Variants in CACTIN observed in about 807,000 individuals in gnomAD.
The protein encoded by CACTIN is cactin, spliceosome C complex subunit.
Under a neutral mutation model 84.9 loss-of-function variants are expected in CACTIN, and 20 were observed. The observed-to-expected ratio is 0.24, with a 90% CI of 0.17 to 0.34. The LOEUF (loss-of-function observed/expected upper bound fraction) is 0.34. Ranked by LOEUF, CACTIN falls within the 10% of genes least tolerant of loss-of-function variation. CACTIN has a pLI of 1.00. For missense variants in CACTIN, 897 were observed against 1,117.2 expected (o/e 0.80, Z 2.81); for synonymous variants, 549 against 467.9 (o/e 1.17, Z -2.24).
chr19:3,619,030 G>A (rs2033166616), intron 5 of CACTIN, 41 bp from the exon 6 acceptor site: 1 of 1,549,590 alleles, frequency 6.5e-7, no homozygotes, highest in African/African-American at 1.4e-5. Flanking sequence ...GGTGTGGCTG[G>A]GGTGGGGGTG....
chr19:3,616,094 G>C (rs2033100589), intron 6 of CACTIN: 1 of 152,254 alleles, frequency 6.6e-6, no homozygotes. Flanking sequence ...CCCACAAGGG[G>C]GCCCGGGGGT....
chr19:3,616,699 TAAAA>T (rs1224063388), intron 6 of CACTIN: 1 of 152,124 alleles, frequency 6.6e-6, no homozygotes, highest in Non-Finnish European at 1.5e-5. Flanking sequence ...TTGTAAAAAT[TAAAA>T]AGAAAAAGCA....
At position 3,611,413 on chromosome 19, in the gene CACTIN, C is replaced by G; in HGVS notation, c.*510G>C. The stretch of plus-strand genomic sequence containing the variant: ...GGGCAGGGCTGGAGCTGCCCCACAG[C>G]CGCGGGCTCTGCCTCACGCCCAGTG... On this transcript the variant is annotated 3_prime_UTR_variant, in exon 10 of 10. Coordinates refer to ENST00000429344, the MANE Select transcript of CACTIN (RefSeq NM_001080543.2). 1 of 422,130 alleles carries G rather than the reference C, an allele frequency of 2.4e-6. No individual in the cohort carries two copies. The highest frequency in any genetic ancestry group is 4.6e-6 in the Non-Finnish European group (1 of 217,436). 26.1% of individuals were successfully genotyped at this position (422,130 alleles called of 1,614,324 possible).
chr19:3,617,016 G>A (rs1054965793), intron 6 of CACTIN, among the ~76,000 whole-genome samples: 4 of 152,202 alleles, frequency 2.6e-5, no homozygotes, highest in African/African-American at 9.7e-5. Context: ...AGCTACTTGG[G>A]CAGCTGAGGC....
intron 6 of CACTIN, chr19:3,616,722 C>T (rs2033113985): frequency 2.0e-5 from 3 of 152,300 alleles, no homozygotes; most frequent in Non-Finnish European, 2.9e-5. Flanking sequence ...CATGCAGTCA[C>T]TCATGCCTTT....
intron 2 of CACTIN, chr19:3,621,130 C>A (rs916406671): frequency 1.6e-5 from 7 of 446,452 alleles, no homozygotes; most frequent in Non-Finnish European, 2.9e-5. Flanking sequence ...AACAGAAGAG[C>A]CTTGCTCGGG....
intron 2 of CACTIN, among the ~76,000 whole-genome samples, chr19:3,622,548 C>T (rs2033246029): frequency 6.6e-6 from 1 of 152,146 alleles, no homozygotes; most frequent in Non-Finnish European, 1.5e-5. Context: ...CCACACAACA[C>T]AGGAACAGGC....
chr19:3,612,994 G>A, intron 9 of CACTIN, 64 bp downstream of exon 9: 2 of 1,491,398 alleles, frequency 1.3e-6, no homozygotes, highest in Non-Finnish European at 1.8e-6. Flanking sequence ...AAATGAGGCT[G>A]GAGAAGCCCC....
At chr19:3,612,478 C>T in intron 9 of CACTIN, 65 bp from the exon 10 acceptor site, 1 of 1,497,602 alleles carries the variant, frequency 6.7e-7, no homozygotes, top group Non-Finnish European at 8.8e-7. Context: ...CCCTCCTAGC[C>T]TCTCTGGCAG....
In CACTIN at chr19:3,626,784, C is replaced by T. The variant is rs779340415; in HGVS notation, c.-22G>A. 7.4e-6 allele frequency: 10 copies of T among 1,356,602 alleles called. No homozygotes were observed. The Admixed American group carries it at 3.3e-4, about 45-fold the overall frequency. 84.0% of individuals were successfully genotyped at this position (1,356,602 alleles called of 1,614,324 possible). On this transcript the variant is annotated 5_prime_UTR_variant, in exon 1 of 10. Transcript: ENST00000429344. ...CCATCGGCTGGGCCAGTGGCCGCGGCACCAACACCAATAGCCGAAGCCTGC... is the reference window on the plus strand; with the variant it reads ...CCATCGGCTGGGCCAGTGGCCGCGGTACCAACACCAATAGCCGAAGCCTGC...
At chr19:3,621,256 A>G (rs2033218997) in intron 2 of CACTIN, among the ~76,000 whole-genome samples, 1 of 152,234 alleles carries the variant, frequency 6.6e-6, no homozygotes, top group African/African-American at 2.4e-5. Flanking sequence ...GAGTGGGGGC[A>G]GCAGCAGCTC....
chr19:3,621,059 C>T, intron 2 of CACTIN: 1 of 583,884 alleles, frequency 1.7e-6, no homozygotes, highest in Non-Finnish European at 3.1e-6. Context: ...ACAGGAGGGC[C>T]TCACTCGGGG....
chr19:3,620,117 CCCAGCG>C lies in CACTIN; in HGVS notation c.884+4_884+9del. The C allele has an allele frequency of 6.2e-7, 1 of 1,609,062 alleles. No individual in the cohort carries two copies. The highest frequency in any genetic ancestry group is 8.5e-7 in the Non-Finnish European group (1 of 1,179,686). On this transcript the variant is annotated splice_donor_5th_base_variant and intron_variant, in intron 4 of 9. Coordinates refer to ENST00000429344, the MANE Select transcript of CACTIN (RefSeq NM_001080543.2). ...GTCTGGGTCGGAGGGAGGGGGAGGCCCCAGCGCACCGCAGCTTGGCCTGCTGGAGGT... is the reference window on the plus strand; with the variant it reads ...GTCTGGGTCGGAGGGAGGGGGAGGCCCACCGCAGCTTGGCCTGCTGGAGGT...
At chr19:3,623,050 A>C (rs1488301624) in intron 2 of CACTIN, among the ~76,000 whole-genome samples, 3 of 152,178 alleles carry the variant, frequency 2.0e-5, no homozygotes, top group Non-Finnish European at 4.4e-5. Context: ...AGCCTGGCCA[A>C]CATAGTGAGA....
chr19:3,623,882 G>T lies in CACTIN; in HGVS notation c.448C>A (p.Arg150=). ...LQERLRLREE[R]KQQEELMKAF... ...TTCATCAGCTCCTCCTGCTGCTTCC[G>T]CTCCTCCCGCAGCCGCAGCCGCTCC... Residue 150 remains arginine, a synonymous_variant, in exon 2 of 10, where the codon CGG becomes AGG. Transcript: ENST00000429344. The T allele has an allele frequency of 6.2e-7, 1 of 1,607,530 alleles. No homozygotes were observed. Among genetic ancestry groups the T allele is most frequent in the Non-Finnish European group, 8.5e-7 (1 of 1,179,766 alleles).
intron 1 of CACTIN, among the ~76,000 whole-genome samples, chr19:3,625,402 A>G (rs1029898594): frequency 6.6e-6 from 1 of 152,226 alleles, no homozygotes; most frequent in African/African-American, 2.4e-5. Context: ...CCAATACCAG[A>G]AAATGGTAGG....
chr19:3,619,202 C>G lies in CACTIN; in HGVS notation c.925G>C (p.Asp309His). Residue 309 changes from aspartate (D) to histidine (H), a missense_variant, in exon 5 of 10, where the codon GAC becomes CAC. Physicochemically the swap from Asp to His is moderately conservative, Grantham distance 81. Around this residue, in one of 8 missense-constraint regions of CACTIN, gnomAD observed 304 missense variants for 444.3 expected, o/e 0.68. Coordinates refer to ENST00000429344, the MANE Select transcript of CACTIN (RefSeq NM_001080543.2). ...RIRDGRAKPI[D>H]LLAKYISAED... ...GCGCTGATGTACTTGGCCAGCAGGT[C>G]GATGGGCTTGGCCCGCCCGTCCCGG... The G allele has an allele frequency of 6.2e-7, 1 of 1,613,600 alleles. No homozygotes were observed. The highest frequency in any genetic ancestry group is 8.5e-7 in the Non-Finnish European group (1 of 1,179,800).
Position 3,612,362 on chromosome 19 carries a change from C to T in CACTIN, c.1838G>A (p.Gly613Asp), listed in dbSNP as rs750556716. 1.2e-6 allele frequency: 2 copies of T among 1,607,332 alleles called. No homozygotes were observed. Among genetic ancestry groups the T allele is most frequent in the Non-Finnish European group, 1.7e-6 (2 of 1,178,030 alleles). Reference protein sequence around the residue: ...EDIFFRRAKEGMGQDEAQFSV... With the variant: ...EDIFFRRAKEDMGQDEAQFSV... Reference sequence around the variant, plus strand: ...GAACTGCGCCTCGTCCTGGCCCATGCCCTCCTTGGCCCGCCGGAAGAAGAT... The same window carrying T: ...GAACTGCGCCTCGTCCTGGCCCATGTCCTCCTTGGCCCGCCGGAAGAAGAT... The change falls in exon 10 of 10, where the codon GGC becomes GAC. Residue 613 changes from glycine to aspartate, a missense_variant. Gly to Asp is a moderately conservative substitution (Grantham distance 94). Coordinates refer to ENST00000429344, the MANE Select transcript of CACTIN (RefSeq NM_001080543.2).
At chr19:3,620,627 C>T (rs920133195) in intron 3 of CACTIN, 80 bp downstream of exon 3, 2 of 1,159,890 alleles carry the variant, frequency 1.7e-6, no homozygotes, top group Non-Finnish European at 2.4e-6. Context: ...CACTTAAGCC[C>T]CTCAAGTCCT....
Sources: allele counts gnomAD v4.1 joint callset (sites outside exome capture counted in the v4.1 genomes callset), GRCh38; gene constraint gnomAD v4.1.1; regional missense constraint gnomAD v4.1.1; transcripts MANE v1.5; gene names NCBI Gene and HGNC (gene_info 2026-07-23, HGNC 2026-07-21).